Variants in MSMO1 observed in about 807,000 individuals in gnomAD.
MSMO1 encodes the protein methylsterol monooxygenase 1.
Under a neutral mutation model 30.4 loss-of-function variants are expected in MSMO1, and 18 were observed. The observed-to-expected ratio is 0.59, with a 90% CI of 0.41 to 0.88. The LOEUF (loss-of-function observed/expected upper bound fraction) is 0.88, where lower values mean the gene tolerates loss of function less well. Ranked by LOEUF, MSMO1 falls within the 40% of genes least tolerant of loss-of-function variation. The pLI, the probability that MSMO1 is intolerant of heterozygous loss-of-function variation, is 0.00. For missense variants in MSMO1, 284 were observed against 340.5 expected (o/e 0.83, Z 1.31); for synonymous variants, 84 against 107.9 (o/e 0.78, Z 1.37).
intron 4 of MSMO1, among the ~76,000 whole-genome samples, chr4:165,339,624 G>A (rs1747662893): frequency 6.6e-6 from 1 of 152,054 alleles, no homozygotes; most frequent in Admixed American, 6.6e-5. Context: ...GTGGAGTAAG[G>A]TATTTTTATT....
At chr4:165,331,392 G>A (rs1218400640) in intron 1 of MSMO1, among the ~76,000 whole-genome samples, 1 of 152,166 alleles carries the variant, frequency 6.6e-6, no homozygotes, top group Non-Finnish European at 1.5e-5. Context: ...ATGAAAGATG[G>A]GAAAGGATAA....
intron 2 of MSMO1, among the ~76,000 whole-genome samples, chr4:165,336,872 G>A (rs968820369): frequency 9.9e-5 from 15 of 152,186 alleles, no homozygotes; most frequent in Non-Finnish European, 1.9e-4. Context: ...TGGATCTGGA[G>A]ACCTAGATTT....
chr4:165,330,747 C>T lies in MSMO1; in HGVS notation c.-31-2593C>T, dbSNP rs146193573. Among the ~76,000 whole-genome samples, 276 of 151,978 alleles carry T rather than the reference C, an allele frequency of 1.8e-3. 1 individual carries two copies. Among genetic ancestry groups the T allele is most frequent in the Non-Finnish European group, 3.5e-3 (235 of 67,986 alleles). On this transcript the variant is annotated intron_variant, in intron 1 of 5. Transcript: ENST00000261507. ...TGAGACGGAGTTTTGCTGTTGGTGC[C>T]CAGGCTAGAGTGCAGTCACAGCTTA...
At chr4:165,335,584 C>A (rs576180906) in intron 2 of MSMO1, among the ~76,000 whole-genome samples, 1 of 152,304 alleles carries the variant, frequency 6.6e-6, no homozygotes, top group South Asian at 2.1e-4. Flanking sequence ...CATTGTATGG[C>A]TGGCCAGGCA....
chr4:165,341,673 A>G, intron 5 of MSMO1, 78 bp from the exon 6 acceptor site: 1 of 1,345,172 alleles, frequency 7.4e-7, no homozygotes, highest in Non-Finnish European at 1.1e-6. Context: ...GGTTAATGTG[A>G]ACACATGATT....
In MSMO1 at chr4:165,340,222, C is replaced by T. The variant is rs1255513104; in HGVS notation, c.533C>T (p.Ala178Val). The T allele has an allele frequency of 6.2e-7, 1 of 1,613,380 alleles. No individual in the cohort carries two copies. Among genetic ancestry groups the T allele is most frequent in the Non-Finnish European group, 8.5e-7 (1 of 1,179,664 alleles). ...GAATTTCTTATCTGTTTGTCTTAGG[C>T]TCCATTTGGAATGGAAGCTGAATAT... The part of the protein sequence containing the change: ...YIHKVHHEFQ[A>V]PFGMEAEYAH... The change falls in exon 5 of 6, where the codon GCT becomes GTT. Residue 178 changes from alanine to valine, a missense_variant and splice_region_variant. Physicochemically the swap from Ala to Val is moderately conservative, Grantham distance 64 (BLOSUM62 0). Coordinates refer to ENST00000261507, the MANE Select transcript of MSMO1 (RefSeq NM_006745.5).
In MSMO1 at chr4:165,337,879, A is replaced by C. The variant is rs182111836; in HGVS notation, c.346A>C (p.Thr116Pro). 1 of 1,613,060 alleles carries C rather than the reference A, an allele frequency of 6.2e-7. No homozygotes were observed. Among genetic ancestry groups the C allele is most frequent in the East Asian group, 2.2e-5 (1 of 44,758 alleles). The stretch of plus-strand genomic sequence containing the variant: ...TATCCAGCTGCCTTTGATTTGTGGA[A>C]CCTATTATTTTACAGAGTATTTCAA... ...FCIQLPLICGTYYFTEYFNIP... is the reference protein window; with the variant it reads ...FCIQLPLICGPYYFTEYFNIP... The change falls in exon 3 of 6, where the codon ACC becomes CCC. Residue 116 changes from threonine to proline, a missense_variant. Coordinates refer to ENST00000261507, the MANE Select transcript of MSMO1 (RefSeq NM_006745.5).
rs999695711 is a variant in MSMO1, at chr4:165,342,548, G to C, written c.*602G>C. 1.3e-5 allele frequency: 2 copies of C among 152,324 alleles called. No homozygotes were observed. The highest frequency in any genetic ancestry group is 2.9e-5 in the Non-Finnish European group (2 of 68,290). 9.4% of individuals were successfully genotyped at this position (152,324 alleles called of 1,614,324 possible). A position where few individuals can be genotyped will look rare whatever the true frequency, so the allele number is the denominator to read the frequency against. ...AATTTTTGTATTTTTGTAGAGATGG[G>C]GTTTCACGATGTTGGCCAGGCTGGT... On this transcript the variant is annotated 3_prime_UTR_variant, in exon 6 of 6. Coordinates refer to ENST00000261507, the MANE Select transcript of MSMO1 (RefSeq NM_006745.5).
chr4:165,328,384 C>G (rs1747296527), intron 1 of MSMO1, among the ~76,000 whole-genome samples: 1 of 152,192 alleles, frequency 6.6e-6, no homozygotes, highest in Non-Finnish European at 1.5e-5. Flanking sequence ...GGGGCTTGAT[C>G]TTTATGCTTA....
At chr4:165,331,957 C>T (rs56359437) in intron 1 of MSMO1, among the ~76,000 whole-genome samples, 54,565 of 148,930 alleles carry the variant, frequency 0.37, 10,385 homozygotes, top group Non-Finnish European at 0.43. Context: ...AACACTCTCC[C>T]CTACCCCGTC....
Position 165,338,792 on chromosome 4 carries a change from A to G in MSMO1, c.531+14A>G, listed in dbSNP as rs372815904. On this transcript the variant is annotated intron_variant, in intron 4 of 5. Coordinates refer to ENST00000261507, the MANE Select transcript of MSMO1 (RefSeq NM_006745.5). The stretch of plus-strand genomic sequence containing the variant: ...CATGAGTTTCAGGTATGTGAGAGTT[A>G]TATTTAATTCTTTCTGTTAGAGGCA... The G allele has an allele frequency of 2.1e-5, 33 of 1,572,602 alleles. No individual in the cohort carries two copies. In the African/African-American group the frequency reaches 4.3e-4, roughly 21 times the overall value.
chr4:165,336,475 T>A (rs1747548109), intron 2 of MSMO1, among the ~76,000 whole-genome samples: 2 of 152,194 alleles, frequency 1.3e-5, no homozygotes, highest in Admixed American at 1.3e-4. Flanking sequence ...AGCATGTGAT[T>A]TTATTATAGT....
chr4:165,330,860 G>A (rs1226840722), intron 1 of MSMO1, among the ~76,000 whole-genome samples: 1 of 152,154 alleles, frequency 6.6e-6, no homozygotes, highest in African/African-American at 2.4e-5. Flanking sequence ...CAAGGTGCTG[G>A]GATTACAGGC....
In MSMO1 at chr4:165,334,120, A is replaced by G. The variant is rs796309668; in HGVS notation, c.255+495A>G. On this transcript the variant is annotated intron_variant, in intron 2 of 5. Transcript: ENST00000261507. ...GAAATAAATGTAAATTATTATTTCA[A>G]TCAGTAATCAAATTCTAAAAAATAC... Among the ~76,000 whole-genome samples the G allele has an allele frequency of 2.6e-5, 4 of 152,362 alleles. 1 individual carries two copies. Among genetic ancestry groups the G allele is most frequent in the African/African-American group, 9.6e-5 (4 of 41,582 alleles).
At chr4:165,332,024 C>T (rs1234242749) in intron 1 of MSMO1, among the ~76,000 whole-genome samples, 1 of 151,288 alleles carries the variant, frequency 6.6e-6, no homozygotes, top group South Asian at 2.1e-4. Context: ...TCCTACCCCG[C>T]CGAGCTGTCT....
In MSMO1 at chr4:165,341,676, A is replaced by G. The variant is rs570651128; in HGVS notation, c.687-75A>G. 1.6e-3 allele frequency: 2,138 copies of G among 1,363,768 alleles called. 3 individuals are homozygous for G. Among genetic ancestry groups the G allele is most frequent in the Non-Finnish European group, 2.1e-3 (2,033 of 957,754 alleles). The allele number at this position is 1,363,768 out of a possible 1,614,324, so 84.5% of individuals were successfully genotyped here. ...GTTATCTAAATTGGTTAATGTGAAC[A>G]CATGATTATTAATAAAAACAACAAT... On this transcript the variant is annotated intron_variant, in intron 5 of 5. Coordinates refer to ENST00000261507, the MANE Select transcript of MSMO1 (RefSeq NM_006745.5).
intron 1 of MSMO1, among the ~76,000 whole-genome samples, chr4:165,328,473 C>T (rs77024378): frequency 0.021 from 3,207 of 152,184 alleles, 100 homozygotes; most frequent in African/African-American, 0.073. Flanking sequence ...CGTGGCATTG[C>T]ATCTTAGAAA....
At chr4:165,329,067 T>C (rs192396525) in intron 1 of MSMO1, among the ~76,000 whole-genome samples, 3 of 152,296 alleles carry the variant, frequency 2.0e-5, no homozygotes, top group Admixed American at 2.0e-4. Flanking sequence ...ATAGAGATGA[T>C]GGATGTCAGC....
Position 165,337,653 on chromosome 4 carries a change from G to C in MSMO1, c.256-136G>C, listed in dbSNP as rs1747595161. 1.3e-5 allele frequency: 11 copies of C among 832,780 alleles called. No homozygotes were observed. In the South Asian group the frequency reaches 1.8e-4, roughly 14 times the overall value. The allele number at this position is 832,780 out of a possible 1,614,324, so 51.6% of individuals were successfully genotyped here. On this transcript the variant is annotated intron_variant, in intron 2 of 5. Transcript: ENST00000261507. ...AGTTGTCAAGAATTTAGAAGGCAAA[G>C]ATTCCTGAGTCTTAGTTATATAAAG...
Sources: allele counts gnomAD v4.1 joint callset (sites outside exome capture counted in the v4.1 genomes callset), GRCh38; gene constraint gnomAD v4.1.1; transcripts MANE v1.5; gene names NCBI Gene and HGNC (gene_info 2026-07-23, HGNC 2026-07-21).